SLC38A4: variants seen among roughly 807,000 people sequenced by gnomAD.
SLC38A4 encodes sodium-coupled neutral amino acid transporter 4.
In SLC38A4, 20 loss-of-function variants were observed where a neutral mutation model predicts 63.1. The observed-to-expected ratio is 0.32, with a 90% CI of 0.22 to 0.46. The LOEUF (loss-of-function observed/expected upper bound fraction) is 0.46, where lower values mean the gene tolerates loss of function less well. Ranked by LOEUF, SLC38A4 falls within the 20% of genes least tolerant of loss-of-function variation. SLC38A4 has a pLI of 1.00. For missense variants in SLC38A4, 526 were observed against 663.6 expected (o/e 0.79, Z 2.28); for synonymous variants, 230 against 225.5 (o/e 1.02, Z -0.18).
At chr12:46,831,080 G>A (rs1331466966) in intron 1 of SLC38A4, among the ~76,000 whole-genome samples, 1 of 152,190 alleles carries the variant, frequency 6.6e-6, no homozygotes, top group East Asian at 1.9e-4. Flanking sequence ...TCAAAGTAAG[G>A]GCAATCTTCC....
intron 1 of SLC38A4, among the ~76,000 whole-genome samples, chr12:46,820,509 T>C (rs7963399): frequency 0.57 from 86,901 of 151,798 alleles, 25,454 homozygotes; most frequent in Non-Finnish European, 0.62. Flanking sequence ...GCAGGATTTC[T>C]TTCTTTATCA....
chr12:46,795,344 A>G (rs1212224510), intron 2 of SLC38A4, among the ~76,000 whole-genome samples: 1 of 152,132 alleles, frequency 6.6e-6, no homozygotes, highest in African/African-American at 2.4e-5. Context: ...GTTGTTTCTA[A>G]ACATGGAAAA....
rs1423967440 is a variant in SLC38A4 at position 46,815,266 on chromosome 12, TATATATATATATATATATACAC to T, written c.-305+10615_-305+10636del. 5.5e-3 allele frequency among the ~76,000 whole-genome samples: 606 copies of T among 109,842 alleles called. 5 individuals are homozygous for T. Among genetic ancestry groups the T allele is most frequent in the East Asian group, 0.024 (68 of 2,840 alleles). 72.1% of individuals were successfully genotyped at this position (109,842 alleles called of 152,430 possible). A position where few individuals can be genotyped will look rare whatever the true frequency, so the allele number is the denominator to read the frequency against. The stretch of plus-strand genomic sequence containing the variant: ...ATATATATATATATATATATATATA[TATATATATATATATATATACAC>T]ACACACACACACACACACACAGAGA... On this transcript the variant is annotated intron_variant, in intron 1 of 16. Transcript: ENST00000266579.
Position 46,803,776 on chromosome 12 carries a change from T to C in SLC38A4, c.-286A>G, listed in dbSNP as rs1397230056. ...ACCACCTCACCCCAACACCTCCTTCTGTCCAACTTGCGTCAGCTCTTGAAA... is the reference window on the plus strand; with the variant it reads ...ACCACCTCACCCCAACACCTCCTTCCGTCCAACTTGCGTCAGCTCTTGAAA... On this transcript the variant is annotated 5_prime_UTR_variant, in exon 2 of 17. Coordinates refer to ENST00000266579, the MANE Select transcript of SLC38A4 (RefSeq NM_018018.5). 3 of 151,664 alleles carry C rather than the reference T, an allele frequency of 2.0e-5. No homozygotes were observed. The highest frequency in any genetic ancestry group is 2.0e-4 in the Admixed American group (3 of 15,178). The allele number at this position is 151,664 out of a possible 1,614,324, so 9.4% of individuals were successfully genotyped here.
intron 2 of SLC38A4, among the ~76,000 whole-genome samples, chr12:46,803,072 T>G (rs1475204618): frequency 6.6e-6 from 1 of 152,068 alleles, no homozygotes; most frequent in African/African-American, 2.4e-5. Context: ...ACATTTTTTC[T>G]TTTTCATTTG....
rs536924430 is a variant in SLC38A4 at position 46,803,796 on chromosome 12, T to C, written c.-304-2A>G. 1 of 151,358 alleles carries C rather than the reference T, an allele frequency of 6.6e-6. No homozygotes were observed. The highest frequency in any genetic ancestry group is 2.1e-4 in the South Asian group (1 of 4,778). 9.4% of individuals were successfully genotyped at this position (151,358 alleles called of 1,614,324 possible). A position where few individuals can be genotyped will look rare whatever the true frequency, so the allele number is the denominator to read the frequency against. On this transcript the variant is annotated splice_acceptor_variant, in intron 1 of 16. Coordinates refer to ENST00000266579, the MANE Select transcript of SLC38A4 (RefSeq NM_018018.5). LOFTEE classifies it low-confidence loss of function (5UTR_SPLICE). The stretch of plus-strand genomic sequence containing the variant: ...CCTTCTGTCCAACTTGCGTCAGCTC[T>C]TGAAAAAAAAAAAAAGAGAAGCTAA...
chr12:46,822,863 A>G (rs563828802), intron 1 of SLC38A4, among the ~76,000 whole-genome samples: 109 of 152,332 alleles, frequency 7.2e-4, no homozygotes, highest in African/African-American at 2.5e-3. Context: ...ATAAAGAATA[A>G]TGGAAAGCAT....
At chr12:46,824,363 T>C (rs1367277829) in intron 1 of SLC38A4, 1 of 152,246 alleles carries the variant, frequency 6.6e-6, no homozygotes, top group Non-Finnish European at 1.5e-5. Context: ...TAAATGAAGA[T>C]GGAGTGTATA....
chr12:46,771,296 A>C (rs991555379), intron 14 of SLC38A4, among the ~76,000 whole-genome samples: 3 of 152,104 alleles, frequency 2.0e-5, no homozygotes, highest in Non-Finnish European at 2.9e-5. Flanking sequence ...GTGCCAGAGG[A>C]CTTAATTTGT....
Position 46,776,955 on chromosome 12 carries a change from T to C in SLC38A4, c.1123A>G (p.Met375Val), listed in dbSNP as rs985628064. Residue 375 changes from methionine to valine, a missense_variant, in exon 13 of 17, where the codon ATG becomes GTG. Coordinates refer to ENST00000266579, the MANE Select transcript of SLC38A4 (RefSeq NM_018018.5). ...GCGGCAAGCAGGTACATGACAAGCA[T>C]CCCCGTGATGGAAATATTTGACACC... is the stretch of plus-strand genomic sequence containing the variant. ...QTVSNISITG[M>V]LVMYLLAALF... The C allele has an allele frequency of 5.0e-6, 8 of 1,611,812 alleles. No homozygotes were observed. Among genetic ancestry groups the C allele is most frequent in the Admixed American group, 1.7e-5 (1 of 59,808 alleles).
intron 1 of SLC38A4, among the ~76,000 whole-genome samples, chr12:46,807,899 CCA>C (rs1555172575): frequency 6.7e-6 from 1 of 148,902 alleles, no homozygotes; most frequent in Non-Finnish European, 1.5e-5. Flanking sequence ...ACCCCCCCCC[CCA>C]AAGCCACATA....
chr12:46,781,968 A>G (rs921162361), intron 7 of SLC38A4, among the ~76,000 whole-genome samples: 16 of 152,030 alleles, frequency 1.1e-4, no homozygotes, highest in African/African-American at 3.9e-4. Flanking sequence ...AAAGTGGTCT[A>G]TTTGTTGGGA....
In SLC38A4 at chr12:46,778,743, G is replaced by A. The variant is rs770861762; in HGVS notation, c.751C>T (p.Leu251=). Residue 251 remains leucine (L), a synonymous_variant, in exon 11 of 17, where the codon CTA becomes TTA. Transcript: ENST00000266579. ...IYKKFQIPCP[L]PVLDHSVGNL... ...CCAACACTGTGATCCAAAACAGGTAGAGGGCAGGGTATTTGGAATTTCTTG... is the reference window on the plus strand; with the variant it reads ...CCAACACTGTGATCCAAAACAGGTAAAGGGCAGGGTATTTGGAATTTCTTG... 6.8e-6 allele frequency: 11 copies of A among 1,612,594 alleles called. No individual in the cohort carries two copies. The highest frequency in any genetic ancestry group is 9.3e-6 in the Non-Finnish European group (11 of 1,179,212).
In SLC38A4 at chr12:46,766,621, C is replaced by G. The variant is rs779743375; in HGVS notation, c.*80G>C. 1.1e-5 allele frequency: 11 copies of G among 987,816 alleles called. No individual in the cohort carries two copies. The highest frequency in any genetic ancestry group is 1.7e-5 in the Non-Finnish European group (11 of 633,790). The allele number at this position is 987,816 out of a possible 1,614,324, so 61.2% of individuals were successfully genotyped here. On this transcript the variant is annotated 3_prime_UTR_variant, in exon 17 of 17. Coordinates refer to ENST00000266579, the MANE Select transcript of SLC38A4 (RefSeq NM_018018.5). ...CCTGTTATTTCCTATGAATAACATT[C>G]CAATCAAGATAATTCAAATATCTTT...
At chr12:46,816,685 TC>T (rs1199564053) in intron 1 of SLC38A4, among the ~76,000 whole-genome samples, 1 of 151,926 alleles carries the variant, frequency 6.6e-6, no homozygotes, top group African/African-American at 2.4e-5. Context: ...AGGTGTGCAC[TC>T]ATTTATTTTT....
intron 14 of SLC38A4, among the ~76,000 whole-genome samples, chr12:46,773,813 A>C (rs1938469034): frequency 6.6e-6 from 1 of 152,048 alleles, no homozygotes; most frequent in Non-Finnish European, 1.5e-5. Context: ...AATATGAATA[A>C]AGCAATACAG....
intron 2 of SLC38A4, among the ~76,000 whole-genome samples, chr12:46,793,608 GCAAT>G (rs1370008165): frequency 2.6e-5 from 4 of 152,120 alleles, no homozygotes; most frequent in African/African-American, 9.7e-5. Context: ...GTCTCTACTA[GCAAT>G]AACTAGAAAG....
At chr12:46,812,011 T>G (rs1939348422) in intron 1 of SLC38A4, among the ~76,000 whole-genome samples, 1 of 152,058 alleles carries the variant, frequency 6.6e-6, no homozygotes, top group African/African-American at 2.4e-5. Flanking sequence ...TTGTCTTAAT[T>G]ATTTTAAAAT....
intron 2 of SLC38A4, among the ~76,000 whole-genome samples, chr12:46,802,494 T>C (rs950510241): frequency 6.6e-6 from 1 of 152,016 alleles, no homozygotes; most frequent in Non-Finnish European, 1.5e-5. Context: ...GTATAACATG[T>C]TTAAAGAAAA....
Sources: allele counts gnomAD v4.1 joint callset (sites outside exome capture counted in the v4.1 genomes callset), GRCh38; gene constraint gnomAD v4.1.1; transcripts MANE v1.5; gene names NCBI Gene and HGNC (gene_info 2026-07-23, HGNC 2026-07-21).